The following NRG3 variants were observed in gnomAD, a reference collection of about 807,000 sequenced individuals.
NRG3 encodes pro-neuregulin-3, membrane-bound isoform.
Under a neutral mutation model 66.9 loss-of-function variants are expected in NRG3, and 31 were observed. That is an observed-to-expected ratio of 0.46 (90% CI 0.35 to 0.63). NRG3 has a LOEUF of 0.63. NRG3 is among the 20% of genes least tolerant of loss of function. The probability of loss-of-function intolerance (pLI) is 0.00; values close to 1 mark genes in which losing one functional copy is unlikely to be tolerated. For missense variants in NRG3, 910 were observed against 878.9 expected (o/e 1.04, Z -0.45); for synonymous variants, 393 against 359.4 (o/e 1.09, Z -1.06).
chr10:82,847,841 C>A (rs2063376124), intron 3 of NRG3, among the ~76,000 whole-genome samples: 1 of 152,110 alleles, frequency 6.6e-6, no homozygotes, highest in Non-Finnish European at 1.5e-5. Flanking sequence ...CAGAATTCGA[C>A]AAGATTTTAA....
intron 1 of NRG3, among the ~76,000 whole-genome samples, chr10:81,905,406 C>T (rs529525708): frequency 1.3e-5 from 2 of 152,268 alleles, no homozygotes; most frequent in South Asian, 4.1e-4. Flanking sequence ...GACCACAGAC[C>T]TGAGTTACAG....
intron 3 of NRG3, among the ~76,000 whole-genome samples, chr10:82,841,851 A>G (rs2063069744): frequency 6.6e-6 from 1 of 152,146 alleles, no homozygotes; most frequent in Non-Finnish European, 1.5e-5. Flanking sequence ...CATTTTTGCT[A>G]CTTGACCCAA....
At chr10:82,010,055 G>A (rs967849848) in intron 1 of NRG3, among the ~76,000 whole-genome samples, 1 of 152,194 alleles carries the variant, frequency 6.6e-6, no homozygotes, top group African/African-American at 2.4e-5. Context: ...AGGGCAGACT[G>A]TGTCCACAAT....
chr10:82,079,073 A>AT (rs899094065), intron 1 of NRG3, among the ~76,000 whole-genome samples: 78 of 146,756 alleles, frequency 5.3e-4, no homozygotes, highest in African/African-American at 1.3e-3. Flanking sequence ...TTTATTTTTT[A>AT]TTTTTTTTTT....
At chr10:82,762,452 A>G (rs2059367268) in intron 3 of NRG3, among the ~76,000 whole-genome samples, 1 of 152,234 alleles carries the variant, frequency 6.6e-6, no homozygotes, top group Non-Finnish European at 1.5e-5. Context: ...CATAGGCCAT[A>G]CAATGCAAAC....
chr10:82,196,396 C>T lies in NRG3; in HGVS notation c.824-162343C>T, dbSNP rs775412088. On this transcript the variant is annotated intron_variant, in intron 1 of 8. Coordinates refer to ENST00000372141, the MANE Select transcript of NRG3 (RefSeq NM_001010848.4). Reference sequence around the variant, plus strand: ...TATAAATTTCCTTGTAAGATCTCTGCGATGATTCTAATACTCTTTTGAAGC... The same window carrying T: ...TATAAATTTCCTTGTAAGATCTCTGTGATGATTCTAATACTCTTTTGAAGC... Among the ~76,000 whole-genome samples, 4 of 152,156 alleles carry T rather than the reference C, an allele frequency of 2.6e-5. No homozygotes were observed. The South Asian group carries it at 8.3e-4, about 32-fold the overall frequency.
intron 2 of NRG3, among the ~76,000 whole-genome samples, chr10:82,561,886 AG>A (rs1160271119): frequency 6.6e-6 from 1 of 152,208 alleles, no homozygotes; most frequent in Non-Finnish European, 1.5e-5. Context: ...AACCATCATA[AG>A]CCATTTGAAC....
intron 2 of NRG3, among the ~76,000 whole-genome samples, chr10:82,692,012 G>T (rs1438342683): frequency 6.6e-6 from 1 of 152,158 alleles, no homozygotes; most frequent in African/African-American, 2.4e-5. Flanking sequence ...CAGGCGCAGT[G>T]CCTGTAATCC....
At chr10:82,397,429 A>G (rs2086784711) in intron 2 of NRG3, among the ~76,000 whole-genome samples, 1 of 152,252 alleles carries the variant, frequency 6.6e-6, no homozygotes, top group African/African-American at 2.4e-5. Context: ...TTTGCATTTC[A>G]TAGTGAGAAC....
At chr10:82,171,018 A>G (rs1484435550) in intron 1 of NRG3, among the ~76,000 whole-genome samples, 1 of 151,872 alleles carries the variant, frequency 6.6e-6, no homozygotes, top group Admixed American at 6.6e-5. Context: ...TGAAGACATT[A>G]ATATTGATTA....
chr10:82,420,506 C>G lies in NRG3; in HGVS notation c.953+61638C>G, dbSNP rs1045821559. Among the ~76,000 whole-genome samples the G allele has an allele frequency of 2.6e-5, 4 of 152,204 alleles. No individual in the cohort carries two copies. In the East Asian group the frequency reaches 5.8e-4, roughly 22 times the overall value. On this transcript the variant is annotated intron_variant, in intron 2 of 8. Coordinates refer to ENST00000372141, the MANE Select transcript of NRG3 (RefSeq NM_001010848.4). Reference sequence around the variant, plus strand: ...TTCTGCTGTAAAAAAATTATTTCTTCTTATGTAAACTACCTAAGAAGTATC... The same window carrying G: ...TTCTGCTGTAAAAAAATTATTTCTTGTTATGTAAACTACCTAAGAAGTATC...
Position 82,140,936 on chromosome 10 carries a change from A to G in NRG3, c.824-217803A>G, listed in dbSNP as rs928546482. On this transcript the variant is annotated intron_variant, in intron 1 of 8. Coordinates refer to ENST00000372141, the MANE Select transcript of NRG3 (RefSeq NM_001010848.4). ...CTTGATTTTCTTTGGGTGTACATGA[A>G]TGCAAATAAATTCTACAATTTCTTA... Among the ~76,000 whole-genome samples, 3 of 152,210 alleles carry G rather than the reference A, an allele frequency of 2.0e-5. No individual in the cohort carries two copies. In the East Asian group the frequency reaches 5.8e-4, roughly 29 times the overall value.
intron 3 of NRG3, among the ~76,000 whole-genome samples, chr10:82,755,891 C>T (rs533157282): frequency 6.6e-6 from 1 of 152,088 alleles, no homozygotes; most frequent in Admixed American, 6.6e-5. Context: ...TTTACTTGTT[C>T]CTTGTAAACC....
At chr10:81,982,671 C>G (rs998641127) in intron 1 of NRG3, among the ~76,000 whole-genome samples, 3 of 152,154 alleles carry the variant, frequency 2.0e-5, no homozygotes, top group Non-Finnish European at 4.4e-5. Flanking sequence ...TCCTTTGCAC[C>G]TGAGCATCCA....
intron 1 of NRG3, among the ~76,000 whole-genome samples, chr10:82,238,365 G>T (rs755745039): frequency 6.6e-6 from 1 of 151,926 alleles, no homozygotes; most frequent in Non-Finnish European, 1.5e-5. Context: ...AAAATATTAC[G>T]TTTTTACTCA....
chr10:82,328,978 C>T (rs1056987733), intron 1 of NRG3, among the ~76,000 whole-genome samples: 3 of 152,166 alleles, frequency 2.0e-5, no homozygotes, highest in African/African-American at 7.2e-5. Context: ...AAAGTAAAAG[C>T]AAGTTCATGC....
chr10:82,908,133 T>C (rs1410623127), intron 4 of NRG3, among the ~76,000 whole-genome samples: 2 of 152,210 alleles, frequency 1.3e-5, no homozygotes, highest in Non-Finnish European at 2.9e-5. Context: ...CAGATGTCTG[T>C]GTATTGTGGT....
intron 8 of NRG3, among the ~76,000 whole-genome samples, chr10:82,982,397 G>C (rs1226153019): frequency 6.6e-6 from 1 of 152,136 alleles, no homozygotes; most frequent in African/African-American, 2.4e-5. Context: ...AGGAAGACTG[G>C]CCCAAAGTGA....
intron 1 of NRG3, among the ~76,000 whole-genome samples, chr10:82,143,152 C>A (rs183910592): frequency 6.6e-5 from 10 of 152,094 alleles, no homozygotes. Context: ...GTGCTAGGTT[C>A]CAGTTCAAGA....
Sources: gnomAD v4.1 joint callset for allele counts (sites outside exome capture counted in the v4.1 genomes callset) on GRCh38, gnomAD v4.1.1 for gene constraint, MANE v1.5 for transcripts, NCBI Gene and HGNC (gene_info 2026-07-23, HGNC 2026-07-21) for gene names.